ACOT11: variants seen among roughly 807,000 people sequenced by gnomAD.
The protein encoded by ACOT11 is acyl-coenzyme A thioesterase 11.
In ACOT11, 69 loss-of-function variants were observed where a neutral mutation model predicts 77.5. That is an observed-to-expected ratio of 0.89 (90% confidence interval 0.73 to 1.09). The LOEUF (loss-of-function observed/expected upper bound fraction) is 1.09. ACOT11 is among the 50% of genes least tolerant of loss of function. ACOT11 has a pLI of 0.00. For missense variants in ACOT11, 766 were observed against 813.7 expected (o/e 0.94, Z 0.71); for synonymous variants, 279 against 313.0 (o/e 0.89, Z 1.15).
intron 1 of ACOT11, among the ~76,000 whole-genome samples, chr1:54,569,128 A>T (rs865829259): frequency 2.9e-5 from 4 of 138,374 alleles, no homozygotes; most frequent in South Asian, 2.3e-4. Flanking sequence ...AAAAAAAATA[A>T]TTTTTTTTTT....
chr1:54,562,468 A>G (rs1432207584), intron 1 of ACOT11, among the ~76,000 whole-genome samples: 1 of 75,450 alleles, frequency 1.3e-5, no homozygotes, highest in Non-Finnish European at 2.5e-5. Flanking sequence ...TCCCTCCCGG[A>G]CGGCACGGCT....
chr1:54,613,065 A>G (rs763597443), downstream of ACOT11, among the ~76,000 whole-genome samples: 1 of 151,970 alleles, frequency 6.6e-6, no homozygotes, highest in Non-Finnish European at 1.5e-5. Context: ...GAGTCTCTGA[A>G]GTTTCTCAGG....
Position 54,601,254 on chromosome 1 carries a change from ACTCC to A in ACOT11, c.885-9_885-6del. The A allele has an allele frequency of 6.2e-7, 1 of 1,605,498 alleles. No individual in the cohort carries two copies. The stretch of plus-strand genomic sequence containing the variant: ...AAGGTCTGTCCAGGTTGGAAGCCAC[ACTCC>A]CTCCCCTCAGCATGGAGGTGGGCGT... On this transcript the variant is annotated splice_polypyrimidine_tract_variant and intron_variant, in intron 8 of 15. Coordinates refer to ENST00000343744, the MANE Select transcript of ACOT11 (RefSeq NM_147161.4).
chr1:54,624,842 A>G lies in ACOT11; in HGVS notation c.1630-5892A>G, dbSNP rs111810325. On this transcript the variant is annotated intron_variant, in intron 15 of 16. Coordinates refer to the ACOT11 transcript ENST00000371316. Reference sequence around the variant, plus strand: ...AGGTACAGGAGGGAGAGGCACTGGGACAAAGTGAGGATGGGAGCAGGAGGA... The same window carrying G: ...AGGTACAGGAGGGAGAGGCACTGGGGCAAAGTGAGGATGGGAGCAGGAGGA... Among the ~76,000 whole-genome samples the G allele has an allele frequency of 6.2e-3, 949 of 152,154 alleles. 12 individuals are homozygous for G. Among genetic ancestry groups the G allele is most frequent in the African/African-American group, 0.022 (900 of 41,512 alleles).
chr1:54,562,852 G>A (rs1422994303), intron 1 of ACOT11, among the ~76,000 whole-genome samples: 1 of 122,698 alleles, frequency 8.2e-6, no homozygotes, highest in South Asian at 3.1e-4. Context: ...ATGTGATGGC[G>A]GCTGGGAAGA....
rs1344883874 is a variant in ACOT11 at position 54,597,247 on chromosome 1, A to G, written c.608-12A>G. 1 of 1,610,094 alleles carries G rather than the reference A, an allele frequency of 6.2e-7. No homozygotes were observed. The highest frequency in any genetic ancestry group is 1.1e-5 in the South Asian group (1 of 91,072). ...CCTCCCTGCTTCCCTCCCTTATCCC[A>G]TCCCTGGTCAGATCTGGAGAGCAGA... On this transcript the variant is annotated splice_polypyrimidine_tract_variant and intron_variant, in intron 6 of 15. Transcript: ENST00000343744.
Position 54,627,353 on chromosome 1 carries a change from T to C in ACOT11, c.1630-3381T>C. On this transcript the variant is annotated intron_variant, in intron 15 of 16. Transcript: ENST00000371316. ...TGGTTCCAAAGAGCTCTGCAGGATG[T>C]CTGGGAGGAAAGAGACTTCATCTGG... 1.5e-5 allele frequency among the ~76,000 whole-genome samples: 2 copies of C among 134,916 alleles called. 1 individual carries two copies. The highest frequency in any genetic ancestry group is 3.4e-5 in the Non-Finnish European group (2 of 59,472). 88.5% of individuals were successfully genotyped at this position (134,916 alleles called of 152,430 possible). A position where few individuals can be genotyped will look rare whatever the true frequency, so the allele number is the denominator to read the frequency against.
chr1:54,551,633 G>T (rs1241856201), intron 1 of ACOT11, among the ~76,000 whole-genome samples: 1 of 152,220 alleles, frequency 6.6e-6, no homozygotes, highest in Non-Finnish European at 1.5e-5. Context: ...CTCAGGTCTA[G>T]CCTGGCCCAG....
intron 13 of ACOT11, 93 bp downstream of exon 13, chr1:54,605,302 C>T: frequency 3.4e-6 from 5 of 1,482,298 alleles, no homozygotes; most frequent in African/African-American, 1.4e-5. Context: ...CCATGATGCT[C>T]TGCCCTGCTG....
intron 1 of ACOT11, among the ~76,000 whole-genome samples, chr1:54,567,837 G>A (rs1461626756): frequency 1.3e-5 from 2 of 152,094 alleles, no homozygotes; most frequent in African/African-American, 4.8e-5. Context: ...GCAGTGGCCC[G>A]CTGAGCAGTC....
intron 3 of ACOT11, among the ~76,000 whole-genome samples, chr1:54,587,783 A>G (rs1248024281): frequency 6.6e-6 from 1 of 151,526 alleles, no homozygotes; most frequent in African/African-American, 2.4e-5. Context: ...GCTGGTCTCG[A>G]ACTCCTGGCC....
intron 16 of ACOT11, among the ~76,000 whole-genome samples, chr1:54,632,110 G>A (rs1644303004): frequency 6.6e-6 from 1 of 152,160 alleles, no homozygotes; most frequent in South Asian, 2.1e-4. Context: ...AAAGAAAACT[G>A]CTGATCCTGA....
At chr1:54,569,109 T>TCG (rs1653843321) in intron 1 of ACOT11, among the ~76,000 whole-genome samples, 1 of 145,554 alleles carries the variant, frequency 6.9e-6, no homozygotes. Context: ...AGCAAGACTC[T>TCG]CTCGAAAAAA....
intron 1 of ACOT11, among the ~76,000 whole-genome samples, chr1:54,568,475 C>T (rs1163564327): frequency 1.3e-5 from 2 of 150,474 alleles, no homozygotes; most frequent in Admixed American, 6.7e-5. Flanking sequence ...AGCAATTCTC[C>T]TGCCTCAGCC....
At chr1:54,637,310 C>T (rs1300113304) in exon 17 of ACOT11, 2 of 152,134 alleles carry the variant, frequency 1.3e-5, no homozygotes, top group Non-Finnish European at 2.9e-5. Context: ...TGGTGAAACC[C>T]CTTCTCTACT....
downstream of ACOT11, among the ~76,000 whole-genome samples, chr1:54,615,057 A>G (rs1644158287): frequency 6.9e-6 from 1 of 145,610 alleles, no homozygotes; most frequent in Non-Finnish European, 1.6e-5. Flanking sequence ...AACTCAGAGA[A>G]GAAGGGCCTG....
intron 1 of ACOT11, among the ~76,000 whole-genome samples, chr1:54,554,636 C>T (rs570674933): frequency 6.6e-6 from 1 of 151,926 alleles, no homozygotes; most frequent in Non-Finnish European, 1.5e-5. Flanking sequence ...GTTTGAGCCA[C>T]CACACCCAGC....
chr1:54,597,610 A>C, intron 7 of ACOT11, 195 bp downstream of exon 7: 1 of 703,536 alleles, frequency 1.4e-6, no homozygotes, highest in Non-Finnish European at 2.3e-6. Flanking sequence ...CATCTTTTAC[A>C]TGGGAAACAC....
Position 54,609,959 on chromosome 1 carries a change from G to C in ACOT11, c.*847G>C, listed in dbSNP as rs1310003494. On this transcript the variant is annotated 3_prime_UTR_variant, in exon 16 of 16. Coordinates refer to ENST00000343744, the MANE Select transcript of ACOT11 (RefSeq NM_147161.4). ...TTCTGTGTCTGGAAGAGGCGGCAGAGGCAACAGTGTTTAGGATTTGGGTTA... is the reference window on the plus strand; with the variant it reads ...TTCTGTGTCTGGAAGAGGCGGCAGACGCAACAGTGTTTAGGATTTGGGTTA... The C allele has an allele frequency of 6.3e-7, 1 of 1,594,296 alleles. No individual in the cohort carries two copies. Among genetic ancestry groups the C allele is most frequent in the Non-Finnish European group, 8.5e-7 (1 of 1,174,994 alleles).
Sources: allele counts gnomAD v4.1 joint callset (sites outside exome capture counted in the v4.1 genomes callset), GRCh38; gene constraint gnomAD v4.1.1; transcripts MANE v1.5; gene names NCBI Gene and HGNC (gene_info 2026-07-23, HGNC 2026-07-21).